Variants in DPYSL5 observed in about 807,000 individuals in gnomAD.
The protein encoded by DPYSL5 is dihydropyrimidinase-related protein 5.
A neutral mutation model predicts 58.4 loss-of-function variants in DPYSL5; 9 were observed. That is an observed-to-expected ratio of 0.15 (90% CI 0.09 to 0.27). The LOEUF is 0.27. DPYSL5 is among the 10% of genes least tolerant of loss of function. DPYSL5 has a pLI of 1.00. For missense variants in DPYSL5, 499 were observed against 770.6 expected (o/e 0.65, Z 4.17); for synonymous variants, 293 against 301.9 (o/e 0.97, Z 0.31).
At chr2:26,922,780 C>T (rs1019664490) in intron 2 of DPYSL5, among the ~76,000 whole-genome samples, 2 of 152,232 alleles carry the variant, frequency 1.3e-5, no homozygotes, top group Non-Finnish European at 1.5e-5. Flanking sequence ...TGGCACGATC[C>T]AGCAAAATCG....
intron 2 of DPYSL5, among the ~76,000 whole-genome samples, chr2:26,919,886 G>A (rs1039877820): frequency 1.3e-5 from 2 of 152,058 alleles, no homozygotes; most frequent in African/African-American, 4.8e-5. Context: ...ATTCATACAT[G>A]GAGGCATGTT....
At chr2:26,919,077 A>G (rs555838634) in intron 2 of DPYSL5, among the ~76,000 whole-genome samples, 1 of 152,326 alleles carries the variant, frequency 6.6e-6, no homozygotes, top group African/African-American at 2.4e-5. Flanking sequence ...TTGTCCTGAT[A>G]AAGCTGGAAG....
intron 1 of DPYSL5, among the ~76,000 whole-genome samples, chr2:26,888,880 A>G (rs1232168922): frequency 6.6e-6 from 1 of 152,080 alleles, no homozygotes; most frequent in African/African-American, 2.4e-5. Flanking sequence ...TATTCCTCAC[A>G]GTTCTGAAGG....
chr2:26,861,724 G>C (rs1666022664), intron 1 of DPYSL5, among the ~76,000 whole-genome samples: 1 of 152,278 alleles, frequency 6.6e-6, no homozygotes, highest in Non-Finnish European at 1.5e-5. Context: ...AGGACGTGAA[G>C]ACAGATTCAT....
chr2:26,879,524 G>A (rs986646028), intron 1 of DPYSL5, among the ~76,000 whole-genome samples: 13 of 149,122 alleles, frequency 8.7e-5, no homozygotes, highest in South Asian at 6.4e-4. Context: ...TTGGAATTAC[G>A]TCTGCTTCTC....
Position 26,893,481 on chromosome 2 carries a change from C to T in DPYSL5, c.-4-5015C>T, listed in dbSNP as rs113864551. ...ATGTTGCTCCCTTTGTTCTATTCAC[C>T]GTAATTAGCTGTGTTAGGAAAATTG... On this transcript the variant is annotated intron_variant, in intron 1 of 12. Coordinates refer to ENST00000288699, the MANE Select transcript of DPYSL5 (RefSeq NM_020134.4). Among the ~76,000 whole-genome samples the T allele has an allele frequency of 2.2e-3, 328 of 152,238 alleles. 1 individual carries two copies. Among genetic ancestry groups the T allele is most frequent in the African/African-American group, 7.6e-3 (314 of 41,516 alleles).
chr2:26,894,352 G>A (rs1450390915), intron 1 of DPYSL5, among the ~76,000 whole-genome samples: 1 of 152,152 alleles, frequency 6.6e-6, no homozygotes, highest in African/African-American at 2.4e-5. Flanking sequence ...GCTTTGCAGA[G>A]CAGAGAGAAT....
intron 2 of DPYSL5, among the ~76,000 whole-genome samples, chr2:26,918,453 G>A (rs1407822878): frequency 2.0e-5 from 3 of 148,244 alleles, no homozygotes; most frequent in Non-Finnish European, 3.0e-5. Flanking sequence ...GAGCAATAGA[G>A]AAACTACCGA....
At chr2:26,880,428 A>G (rs1418536346) in intron 1 of DPYSL5, among the ~76,000 whole-genome samples, 3 of 152,150 alleles carry the variant, frequency 2.0e-5, no homozygotes, top group African/African-American at 7.2e-5. Flanking sequence ...GTTGCATCCT[A>G]TGACCACACT....
rs1664793263 is a variant in DPYSL5 at position 26,924,964 on chromosome 2, T to C, written c.339T>C (p.Tyr113=). Residue 113 remains tyrosine (Y), a synonymous_variant, in exon 3 of 13, where the codon TAT becomes TAC. Transcript: ENST00000288699. The surrounding 1 kb of genome is among the most constrained non-coding windows in gnomAD (Gnocchi z 4.7). ...PDKETSLVDA[Y]EKCRGLADPK... ...AGGAGACCTCCCTTGTGGACGCTTA[T>C]GAGAAGTGCCGAGGTCTGGCCGACC... 1.9e-6 allele frequency: 3 copies of C among 1,614,014 alleles called. No individual in the cohort carries two copies. The highest frequency in any genetic ancestry group is 1.3e-5 in the African/African-American group (1 of 74,920).
rs928190661 is a variant in DPYSL5 at position 26,942,479 on chromosome 2, C to A, written c.1233-64C>A. ...ACCAGCCTTTGGGGCTCACCCCTCC[C>A]ATGGAGCTGTGACATTTTGACCTGT... On this transcript the variant is annotated intron_variant, in intron 10 of 12. Transcript: ENST00000288699. This position sits in a 1 kb window ranked among gnomAD's most constrained non-coding sequence, Gnocchi z 5.9. 5.9e-6 allele frequency: 9 copies of A among 1,519,610 alleles called. No individual in the cohort carries two copies. The highest frequency in any genetic ancestry group is 5.8e-5 in the Admixed American group (3 of 51,638). 94.1% of individuals were successfully genotyped at this position (1,519,610 alleles called of 1,614,324 possible). A position where few individuals can be genotyped will look rare whatever the true frequency, so the allele number is the denominator to read the frequency against.
chr2:26,926,809 A>G (rs1200076616), intron 3 of DPYSL5, among the ~76,000 whole-genome samples: 1 of 152,190 alleles, frequency 6.6e-6, no homozygotes, highest in East Asian at 1.9e-4. Flanking sequence ...TAACTCTCAT[A>G]ACTTTGTTCA....
chr2:26,868,442 G>A (rs1363710840), intron 1 of DPYSL5, among the ~76,000 whole-genome samples: 1 of 152,108 alleles, frequency 6.6e-6, no homozygotes, highest in African/African-American at 2.4e-5. Context: ...CTCCCAGGTT[G>A]TCTTCTAGTC....
At chr2:26,922,935 T>C (rs1053965106) in intron 2 of DPYSL5, among the ~76,000 whole-genome samples, 1 of 152,188 alleles carries the variant, frequency 6.6e-6, no homozygotes, top group Non-Finnish European at 1.5e-5. Flanking sequence ...GTCAAACCAC[T>C]GAGTTCCCCA....
intron 1 of DPYSL5, among the ~76,000 whole-genome samples, chr2:26,875,291 C>A (rs1216409809): frequency 6.6e-6 from 1 of 152,206 alleles, no homozygotes; most frequent in Non-Finnish European, 1.5e-5. Flanking sequence ...GCAGAGACAG[C>A]AGCCATTGGG....
intron 3 of DPYSL5, among the ~76,000 whole-genome samples, chr2:26,926,955 TGGAGACAGACATAGG>T (rs973782017): frequency 6.6e-6 from 1 of 152,234 alleles, no homozygotes; most frequent in African/African-American, 2.4e-5. Context: ...AAGGCTGGTT[TGGAGACAGACATAGG>T]GGACAGGCCT....
chr2:26,865,219 A>G (rs1180127888), intron 1 of DPYSL5, among the ~76,000 whole-genome samples: 1 of 152,026 alleles, frequency 6.6e-6, no homozygotes, highest in Non-Finnish European at 1.5e-5. Context: ...TCATGCTCCA[A>G]ATAGCCAACA....
chr2:26,901,214 C>T (rs936549518), intron 2 of DPYSL5, among the ~76,000 whole-genome samples: 8 of 152,216 alleles, frequency 5.3e-5, no homozygotes, highest in South Asian at 2.1e-4. Context: ...AGACCCCAGG[C>T]GACCCTGGCA....
chr2:26,941,868 A>G, intron 9 of DPYSL5, 82 bp from the exon 10 acceptor site: 3 of 1,585,246 alleles, frequency 1.9e-6, no homozygotes, highest in Non-Finnish European at 2.6e-6. Flanking sequence ...CCCTAAGTCC[A>G]TGGGCCAGCA....
Sources: gnomAD v4.1 joint callset for allele counts (sites outside exome capture counted in the v4.1 genomes callset) on GRCh38, gnomAD v4.1.1 for gene constraint, Gnocchi (gnomAD v3.1) non-coding constraint, MANE v1.5 for transcripts, NCBI Gene and HGNC (gene_info 2026-07-23, HGNC 2026-07-21) for gene names.